RALYL: variants seen among roughly 807,000 people sequenced by gnomAD.
RALYL encodes RNA-binding Raly-like protein.
In RALYL, 29 loss-of-function variants were observed where a neutral mutation model predicts 35.1. That is an observed-to-expected ratio of 0.83 (90% CI 0.61 to 1.13). The LOEUF (loss-of-function observed/expected upper bound fraction) is 1.13. Ranked by LOEUF, RALYL falls within the 50% of genes most tolerant of loss-of-function variation. The pLI, the probability that RALYL is intolerant of heterozygous loss-of-function variation, is 0.00. For missense variants in RALYL, 359 were observed against 360.4 expected (o/e 1.00, Z 0.03); for synonymous variants, 120 against 127.6 (o/e 0.94, Z 0.40).
chr8:84,685,855 AAGTG>A (rs1381464395), intron 2 of RALYL, among the ~76,000 whole-genome samples: 17 of 152,182 alleles, frequency 1.1e-4, no homozygotes, highest in Non-Finnish European at 2.9e-5. Flanking sequence ...TTGCTTTTGG[AAGTG>A]AGTATTAAAA....
intron 1 of RALYL, among the ~76,000 whole-genome samples, chr8:84,221,305 A>T (rs929540584): frequency 6.6e-6 from 1 of 150,378 alleles, no homozygotes; most frequent in East Asian, 1.9e-4. Context: ...GTGTGTGTGC[A>T]TGTGCGTGCA....
chr8:84,483,940 T>C (rs947319528), intron 1 of RALYL, among the ~76,000 whole-genome samples: 1 of 152,188 alleles, frequency 6.6e-6, no homozygotes, highest in African/African-American at 2.4e-5. Flanking sequence ...ATTAGTGAAT[T>C]ACATCAATTG....
chr8:84,501,535 G>A (rs544439258), intron 1 of RALYL, among the ~76,000 whole-genome samples: 7 of 152,014 alleles, frequency 4.6e-5, no homozygotes, highest in South Asian at 4.1e-4. Flanking sequence ...ATTTCCATAA[G>A]ATATAAACAT....
chr8:84,845,080 G>A (rs1301012698), intron 4 of RALYL, among the ~76,000 whole-genome samples: 1 of 152,032 alleles, frequency 6.6e-6, no homozygotes, highest in African/African-American at 2.4e-5. Flanking sequence ...TAACTAACCT[G>A]CACGTTGTGC....
At chr8:84,545,553 A>G (rs2060298478) in intron 2 of RALYL, among the ~76,000 whole-genome samples, 1 of 152,188 alleles carries the variant, frequency 6.6e-6, no homozygotes, top group Admixed American at 6.5e-5. Flanking sequence ...AGTACATAAT[A>G]TGTATTTCCA....
At chr8:84,291,238 G>C (rs1216371500) in intron 1 of RALYL, among the ~76,000 whole-genome samples, 3 of 152,152 alleles carry the variant, frequency 2.0e-5, no homozygotes, top group Non-Finnish European at 4.4e-5. Context: ...GAGAAATCCA[G>C]TCTTATTTAA....
intron 4 of RALYL, among the ~76,000 whole-genome samples, chr8:84,827,393 G>A (rs1829945557): frequency 6.6e-6 from 1 of 151,956 alleles, no homozygotes; most frequent in Non-Finnish European, 1.5e-5. Context: ...CTAAATAGAG[G>A]AATAAAAGCC....
intron 1 of RALYL, among the ~76,000 whole-genome samples, chr8:84,449,521 T>C (rs909010724): frequency 6.6e-6 from 1 of 152,054 alleles, no homozygotes; most frequent in African/African-American, 2.4e-5. Context: ...TTTTAACTGT[T>C]TAGTGCCTTC....
chr8:84,469,667 C>G (rs879874295), intron 1 of RALYL, among the ~76,000 whole-genome samples: 2 of 152,156 alleles, frequency 1.3e-5, no homozygotes, highest in African/African-American at 2.4e-5. Context: ...TGGGCTCCAC[C>G]CAGTTCGAGC....
chr8:84,531,928 T>C (rs544658300), intron 2 of RALYL, among the ~76,000 whole-genome samples: 3 of 152,162 alleles, frequency 2.0e-5, no homozygotes, highest in African/African-American at 7.2e-5. Flanking sequence ...TTGCTTTGCT[T>C]TGAGAGGCAC....
At chr8:84,302,140 T>C (rs886135291) in intron 1 of RALYL, among the ~76,000 whole-genome samples, 3 of 152,182 alleles carry the variant, frequency 2.0e-5, no homozygotes, top group Admixed American at 2.0e-4. Flanking sequence ...ATATAAGGGA[T>C]GTGGAGTCAC....
chr8:84,814,520 C>T (rs1826712370), intron 4 of RALYL, among the ~76,000 whole-genome samples: 1 of 152,004 alleles, frequency 6.6e-6, no homozygotes. Context: ...TGCATCTCAT[C>T]TTAATATAAA....
intron 1 of RALYL, among the ~76,000 whole-genome samples, chr8:84,216,978 AACTAGCTT>A (rs1225741316): frequency 6.6e-6 from 1 of 152,114 alleles, no homozygotes; most frequent in African/African-American, 2.4e-5. Context: ...ATAAAATTGG[AACTAGCTT>A]ACATCTATAT....
chr8:84,635,625 T>A (rs898771449), intron 2 of RALYL, among the ~76,000 whole-genome samples: 2 of 151,816 alleles, frequency 1.3e-5, no homozygotes, highest in Non-Finnish European at 2.9e-5. Flanking sequence ...TATTTTCATA[T>A]GAAGTGAAAT....
intron 1 of RALYL, among the ~76,000 whole-genome samples, chr8:84,345,291 G>A (rs1426735375): frequency 6.6e-6 from 1 of 151,922 alleles, no homozygotes; most frequent in African/African-American, 2.4e-5. Flanking sequence ...ACGTTACTCA[G>A]TAAGATAGAT....
At chr8:84,513,415 A>AT (rs1467936641) in intron 1 of RALYL, among the ~76,000 whole-genome samples, 9 of 151,932 alleles carry the variant, frequency 5.9e-5, no homozygotes, top group East Asian at 1.9e-4. Context: ...TCTTGTTCTT[A>AT]TTTTTTTAAT....
At chr8:84,543,233 A>G (rs1431913189) in intron 2 of RALYL, among the ~76,000 whole-genome samples, 1 of 151,928 alleles carries the variant, frequency 6.6e-6, no homozygotes, top group Non-Finnish European at 1.5e-5. Flanking sequence ...GCTAACAGCC[A>G]GTGAATATAA....
chr8:84,196,563 T>C (rs774293917), intron 1 of RALYL, among the ~76,000 whole-genome samples: 4 of 152,222 alleles, frequency 2.6e-5, no homozygotes, highest in Non-Finnish European at 5.9e-5. Context: ...AAGTCTTTGA[T>C]ATCTAGTTTG....
At chr8:84,627,588 G>A (rs1405344341) in intron 2 of RALYL, among the ~76,000 whole-genome samples, 1 of 150,268 alleles carries the variant, frequency 6.7e-6, no homozygotes, top group Non-Finnish European at 1.5e-5. Flanking sequence ...AGATTTCTTC[G>A]TGCATTTCTG....
Sources: gnomAD v4.1 joint callset for allele counts (sites outside exome capture counted in the v4.1 genomes callset) on GRCh38, gnomAD v4.1.1 for gene constraint, MANE v1.5 for transcripts, NCBI Gene and HGNC (gene_info 2026-07-23, HGNC 2026-07-21) for gene names.